Variants in ZBED4 observed in about 807,000 individuals in gnomAD.
ZBED4 encodes zinc finger BED domain-containing protein 4.
A neutral mutation model predicts 15.5 loss-of-function variants in ZBED4; 4 were observed. The observed-to-expected ratio is 0.26, with a 90% CI of 0.13 to 0.59. ZBED4 has a LOEUF of 0.59. Among genes scored for constraint, ZBED4 ranks in the 20% least tolerant of loss-of-function variants. ZBED4 has a pLI of 0.90. For missense variants in ZBED4, 1,323 were observed against 1,461.8 expected (o/e 0.91, Z 1.55); for synonymous variants, 692 against 608.5 (o/e 1.14, Z -2.02).
intron 1 of ZBED4, among the ~76,000 whole-genome samples, chr22:49,868,737 C>T (rs992927093): frequency 2.6e-5 from 4 of 152,072 alleles, no homozygotes; most frequent in African/African-American, 9.7e-5. Flanking sequence ...GCAGCTACTT[C>T]GTGCATGTGT....
At chr22:49,872,763 G>A (rs2060355078) in intron 1 of ZBED4, among the ~76,000 whole-genome samples, 1 of 151,156 alleles carries the variant, frequency 6.6e-6, no homozygotes. Flanking sequence ...GGAGTGCAGT[G>A]ACGTGATCGC....
rs771908721 is a variant in ZBED4 at position 49,885,774 on chromosome 22, T to C, written c.2112T>C (p.Ala704=). ...LPAPSYFSRT[A]IPGMYDNVKQ... ...CCCCTTCCTACTTCTCCAGGACAGC[T>C]ATCCCAGGTATGTATGATAATGTGA... is the stretch of plus-strand genomic sequence containing the variant. Residue 704 remains alanine, a synonymous_variant, in exon 2 of 2, where the codon GCT becomes GCC. Transcript: ENST00000216268. 2.5e-6 allele frequency: 4 copies of C among 1,605,584 alleles called. No individual in the cohort carries two copies. The highest frequency in any genetic ancestry group is 1.7e-5 in the Admixed American group (1 of 59,274).
Position 49,885,249 on chromosome 22 carries a change from C to T in ZBED4, c.1587C>T (p.Ala529=), listed in dbSNP as rs1316128849. The T allele has an allele frequency of 6.2e-7, 1 of 1,605,572 alleles. No homozygotes were observed. The highest frequency in any genetic ancestry group is 8.5e-7 in the Non-Finnish European group (1 of 1,175,146). The change falls in exon 2 of 2, where the codon GCC becomes GCT. Residue 529 remains alanine (A), a synonymous_variant. Transcript: ENST00000216268. ...SLANSPYATL[A]SAESSSSKLT... ...CAAACTCTCCGTATGCCACTTTGGC[C>T]TCTGCAGAAAGTTCCTCTTCCAAAT...
chr22:49,862,936 A>C (rs943210416), intron 1 of ZBED4, among the ~76,000 whole-genome samples: 11 of 151,936 alleles, frequency 7.2e-5, no homozygotes, highest in Admixed American at 6.6e-5. Context: ...TCCTGACCTT[A>C]GGTGATCCAC....
chr22:49,887,326 A>C lies in ZBED4; in HGVS notation c.*148A>C. The C allele has an allele frequency of 3.7e-6, 3 of 802,572 alleles. No individual in the cohort carries two copies. The highest frequency in any genetic ancestry group is 5.8e-6 in the Non-Finnish European group (3 of 517,988). 49.7% of individuals were successfully genotyped at this position (802,572 alleles called of 1,614,324 possible). A position where few individuals can be genotyped will look rare whatever the true frequency, so the allele number is the denominator to read the frequency against. ...CTCTCCAGCTCACCACAGTGTCTCC[A>C]CGTGCCTTACCCCTTCTCCTTCAGG... On this transcript the variant is annotated 3_prime_UTR_variant, in exon 2 of 2. Coordinates refer to ENST00000216268, the MANE Select transcript of ZBED4 (RefSeq NM_014838.3).
At position 49,887,712 on chromosome 22, in the gene ZBED4, A is replaced by G. The variant is rs974949107; in HGVS notation, c.*534A>G. ...AAGTGTCCCGCGGAGTACAGATAAT[A>G]TTCTGGAAGGTAACTGTTTACTACG... On this transcript the variant is annotated 3_prime_UTR_variant, in exon 2 of 2. Transcript: ENST00000216268. 29 of 167,406 alleles carry G rather than the reference A, an allele frequency of 1.7e-4. No individual in the cohort carries two copies. The highest frequency in any genetic ancestry group is 6.8e-4 in the African/African-American group (28 of 41,458). 10.4% of individuals were successfully genotyped at this position (167,406 alleles called of 1,614,324 possible). A position where few individuals can be genotyped will look rare whatever the true frequency, so the allele number is the denominator to read the frequency against.
intron 1 of ZBED4, among the ~76,000 whole-genome samples, chr22:49,882,536 C>T (rs1473252994): frequency 6.6e-6 from 1 of 152,196 alleles, no homozygotes; most frequent in Non-Finnish European, 1.5e-5. Context: ...TAAACTGCTC[C>T]ATCTCCTACC....
In ZBED4 at chr22:49,880,010, T is replaced by G. The variant is rs116161421; in HGVS notation, c.-329-3324T>G. Among the ~76,000 whole-genome samples, 1,238 of 151,980 alleles carry G rather than the reference T, an allele frequency of 8.1e-3. 20 individuals carry two copies. The highest frequency in any genetic ancestry group is 0.029 in the African/African-American group (1,200 of 41,544). ...TTCATCGCAGGTCTGGTTGTTTTTG[T>G]CAGCCATTTTGTATTTTACTTTATT... is the stretch of plus-strand genomic sequence containing the variant. On this transcript the variant is annotated intron_variant, in intron 1 of 1. Coordinates refer to ENST00000216268, the MANE Select transcript of ZBED4 (RefSeq NM_014838.3).
rs200347777 is a variant in ZBED4, at chr22:49,883,762, C to T, written c.100C>T (p.Pro34Ser). ...AGAGGAAGATGATGATGGAATTCCT[C>T]CTGATAGTTTGGAAAGAATGGACTT... Reference protein sequence around the residue: ...IEEEDDDGIPPDSLERMDFKS... With the variant: ...IEEEDDDGIPSDSLERMDFKS... The change falls in exon 2 of 2, where the codon CCT becomes TCT. Residue 34 changes from proline to serine, a missense_variant. Around this residue, in one of 6 missense-constraint regions of ZBED4, gnomAD observed 380 missense variants for 413.7 expected, o/e 0.92. Transcript: ENST00000216268. 7 of 1,612,836 alleles carry T rather than the reference C, an allele frequency of 4.3e-6. No homozygotes were observed. The highest frequency in any genetic ancestry group is 3.3e-5 in the Admixed American group (2 of 59,936).
chr22:49,856,447 A>T (rs2060274690), intron 1 of ZBED4, among the ~76,000 whole-genome samples: 1 of 152,226 alleles, frequency 6.6e-6, no homozygotes, highest in South Asian at 2.1e-4. Flanking sequence ...GGTTGCCCTG[A>T]AGGGTCTGGG....
chr22:49,868,378 G>A (rs532559201), intron 1 of ZBED4, among the ~76,000 whole-genome samples: 1 of 152,174 alleles, frequency 6.6e-6, no homozygotes, highest in African/African-American at 2.4e-5. Context: ...TCAGGAGTTC[G>A]ACACCAGCCT....
chr22:49,876,922 A>G (rs4597652), intron 1 of ZBED4, among the ~76,000 whole-genome samples: 97,868 of 152,180 alleles, frequency 0.64, 35,673 homozygotes, highest in East Asian at 0.85. Context: ...GTTGCTGGCC[A>G]AAGATTCCTT....
At chr22:49,853,320 C>G (rs563799078), upstream of ZBED4, 1 of 152,342 alleles carries the variant, frequency 6.6e-6, no homozygotes, top group African/African-American at 2.4e-5. Context: ...TCCCGTCCCC[C>G]GGGGGGGCCG....
rs2060435579 is a variant in ZBED4 at position 49,885,870 on chromosome 22, G to A, written c.2208G>A (p.Met736Ile). ...GVIHFTSGIW[M>I]SNQTREYLTL... is the part of the protein sequence containing the mutation. ...TCCACTTCACGTCTGGAATATGGAT[G>A]AGTAACCAGACCCGTGAGTACCTGA... The change falls in exon 2 of 2, where the codon ATG (methionine) becomes ATA (isoleucine). Residue 736 changes from methionine to isoleucine, a missense_variant. Met to Ile is a conservative substitution (Grantham distance 10, BLOSUM62 1). Coordinates refer to ENST00000216268, the MANE Select transcript of ZBED4 (RefSeq NM_014838.3). 7.6e-7 allele frequency: 1 copy of A among 1,321,884 alleles called. No homozygotes were observed. Among genetic ancestry groups the A allele is most frequent in the Non-Finnish European group, 1.1e-6 (1 of 917,278 alleles). The allele number at this position is 1,321,884 out of a possible 1,614,324, so 81.9% of individuals were successfully genotyped here.
chr22:49,885,983 AG>A lies in ZBED4; in HGVS notation c.2323del (p.Val775TrpfsTer22). 1 of 699,628 alleles carries A rather than the reference AG, an allele frequency of 1.4e-6. No individual in the cohort carries two copies. Among genetic ancestry groups the A allele is most frequent in the Non-Finnish European group, 2.6e-6 (1 of 383,668 alleles). 43.3% of individuals were successfully genotyped at this position (699,628 alleles called of 1,614,324 possible). Reference sequence around the variant, plus strand: ...TGCTCGGCGCTGTTGGACGTGTCGCAGGTGGACTGCGACTACAGTGGCAACA... The same window carrying A: ...TGCTCGGCGCTGTTGGACGTGTCGCAGTGGACTGCGACTACAGTGGCAACA... ...HHCSALLDVS[Q>X]VDCDYSGNSI... On this transcript the variant is annotated frameshift_variant, in exon 2 of 2. Coordinates refer to ENST00000216268, the MANE Select transcript of ZBED4 (RefSeq NM_014838.3). LOFTEE classifies it high-confidence loss of function.
chr22:49,884,324 G>C lies in ZBED4; in HGVS notation c.662G>C (p.Arg221Pro), dbSNP rs1322190757. 2 of 1,613,592 alleles carry C rather than the reference G, an allele frequency of 1.2e-6. No individual in the cohort carries two copies. The highest frequency in any genetic ancestry group is 1.3e-5 in the African/African-American group (1 of 74,908). The change falls in exon 2 of 2, where the codon CGA becomes CCA. Residue 221 changes from arginine (R) to proline (P), a missense_variant. This residue lies in a region of ZBED4 where 380 missense variants were observed against 413.7 expected (regional missense o/e 0.92). Coordinates refer to ENST00000216268, the MANE Select transcript of ZBED4 (RefSeq NM_014838.3). Reference protein sequence around the residue: ...KVASKIPSPDRITEESVSVVS... With the variant: ...KVASKIPSPDPITEESVSVVS... ...GCGTCTAAGATCCCGTCCCCCGATC[G>C]AATAACAGAGGAGTCTGTGTCTGTA...
At chr22:49,854,169 G>A (rs1288694512) in intron 1 of ZBED4, among the ~76,000 whole-genome samples, 180 bp downstream of exon 1, 1 of 145,394 alleles carries the variant, frequency 6.9e-6, no homozygotes, top group Non-Finnish European at 1.5e-5. Context: ...CCCCGGACCC[G>A]CCCCCGCGCG....
chr22:49,857,596 A>AGTTT (rs371731040), intron 1 of ZBED4, among the ~76,000 whole-genome samples: 13 of 151,882 alleles, frequency 8.6e-5, no homozygotes, highest in Admixed American at 2.0e-4. Context: ...TCCCCTTCTC[A>AGTTT]GTTTGTTTGT....
chr22:49,872,541 G>T (rs1024276702), intron 1 of ZBED4, among the ~76,000 whole-genome samples: 2 of 152,048 alleles, frequency 1.3e-5, no homozygotes, highest in Admixed American at 6.6e-5. Context: ...TGTTTTTGTT[G>T]TTTTTAGAGA....
Sources: allele counts gnomAD v4.1 joint callset (sites outside exome capture counted in the v4.1 genomes callset), GRCh38; gene constraint gnomAD v4.1.1; regional missense constraint gnomAD v4.1.1; transcripts MANE v1.5; gene names NCBI Gene and HGNC (gene_info 2026-07-23, HGNC 2026-07-21).